The following LAMC3 variants were observed in gnomAD, a reference collection of about 807,000 sequenced individuals.
LAMC3 encodes laminin subunit gamma-3.
A neutral mutation model predicts 173.8 loss-of-function variants in LAMC3; 128 were observed. The observed-to-expected ratio is 0.74, with a 90% CI of 0.64 to 0.85. The LOEUF is 0.85. Ranked by LOEUF, LAMC3 falls within the 40% of genes least tolerant of loss-of-function variation. LAMC3 has a pLI of 0.00. For missense variants in LAMC3, 2,022 were observed against 2,156.0 expected (o/e 0.94, Z 1.23); for synonymous variants, 897 against 909.1 (o/e 0.99, Z 0.24).
At chr9:131,027,737 C>T (rs1369506137) in intron 2 of LAMC3, among the ~76,000 whole-genome samples, 4 of 152,218 alleles carry the variant, frequency 2.6e-5, no homozygotes, top group South Asian at 2.1e-4. Flanking sequence ...GTGACCAGTG[C>T]GGTGCTTGGC....
chr9:131,055,133 C>T (rs1028077883), intron 11 of LAMC3, among the ~76,000 whole-genome samples: 3 of 152,056 alleles, frequency 2.0e-5, no homozygotes, highest in Non-Finnish European at 4.4e-5. Context: ...GTATAAGTGT[C>T]GCTTTAGGAC....
At chr9:131,086,389 GGTT>G (rs796454944) in intron 25 of LAMC3, among the ~76,000 whole-genome samples, 1 of 49,668 alleles carries the variant, frequency 2.0e-5, no homozygotes, top group Non-Finnish European at 3.8e-5. Flanking sequence ...AAGGGTTTTT[GGTT>G]TTGTTTTTTT....
chr9:131,082,455 C>G (rs1476941955), intron 24 of LAMC3, among the ~76,000 whole-genome samples: 3 of 152,192 alleles, frequency 2.0e-5, no homozygotes, highest in Non-Finnish European at 4.4e-5. Context: ...TCAACCAGGT[C>G]AAGTCCACTC....
At chr9:131,037,625 T>TA (rs35393335) in intron 4 of LAMC3, among the ~76,000 whole-genome samples, 3,398 of 152,218 alleles carry the variant, frequency 0.022, 43 homozygotes, top group Non-Finnish European at 0.038. Context: ...CCTCAGCCAC[T>TA]AGAGTAGCTG....
intron 11 of LAMC3, among the ~76,000 whole-genome samples, chr9:131,053,789 C>T (rs531146556): frequency 1.5e-5 from 2 of 132,422 alleles, no homozygotes; most frequent in South Asian, 2.6e-4. Flanking sequence ...GCCAAGATTG[C>T]GCCACTGCAC....
In LAMC3 at chr9:131,038,918, G is replaced by T; in HGVS notation, c.1031G>T (p.Arg344Leu). Residue 344 changes from arginine (R) to leucine (L), a missense_variant, in exon 5 of 28, where the codon CGC becomes CTC. Coordinates refer to ENST00000361069, the MANE Select transcript of LAMC3 (RefSeq NM_006059.4). ...EECTFDRELFRSTGHGGRCHH... is the reference protein window; with the variant it reads ...EECTFDRELFLSTGHGGRCHH... ...TGCACGTTTGATCGGGAGCTCTTCC[G>T]CAGCACAGGCCACGGCGGGCGCTGT... is the stretch of plus-strand genomic sequence containing the variant. 1.2e-6 allele frequency: 2 copies of T among 1,613,276 alleles called. No individual in the cohort carries two copies. Among genetic ancestry groups the T allele is most frequent in the South Asian group, 1.1e-5 (1 of 91,066 alleles).
Position 131,009,310 on chromosome 9 carries a change from G to A in LAMC3, c.96G>A (p.Pro32=), listed in dbSNP as rs1332142957. ...CGTGCTATGACGGCGCAGGGCGCCC[G>A]CAGCGCTGCCTGCCGGTGTTCGAGA... ...MGACYDGAGR[P]QRCLPVFENA... The change falls in exon 1 of 28, where the codon CCG becomes CCA. Residue 32 remains proline, a synonymous_variant. Coordinates refer to ENST00000361069, the MANE Select transcript of LAMC3 (RefSeq NM_006059.4). This position sits in a 1 kb window ranked among gnomAD's most constrained non-coding sequence, Gnocchi z 4.3. 6 of 1,453,272 alleles carry A rather than the reference G, an allele frequency of 4.1e-6. No individual in the cohort carries two copies. The highest frequency in any genetic ancestry group is 2.7e-5 in the South Asian group (2 of 74,460). 90.0% of individuals were successfully genotyped at this position (1,453,272 alleles called of 1,614,324 possible).
At chr9:131,036,442 G>A in intron 4 of LAMC3, 110 bp downstream of exon 4, 1 of 1,171,316 alleles carries the variant, frequency 8.5e-7, no homozygotes, top group Non-Finnish European at 1.2e-6. Flanking sequence ...TACGCCCCGG[G>A]GGCAGCTCGG....
chr9:131,039,661 G>A (rs780122212), intron 6 of LAMC3, among the ~76,000 whole-genome samples: 4 of 151,962 alleles, frequency 2.6e-5, no homozygotes, highest in Non-Finnish European at 5.9e-5. Context: ...CTGCATGGGG[G>A]TTTGACTGTG....
At position 131,065,758 on chromosome 9, in the gene LAMC3, T is replaced by C. The variant is rs533017658; in HGVS notation, c.2348-1202T>C. Among the ~76,000 whole-genome samples the C allele has an allele frequency of 3.4e-3, 520 of 151,764 alleles. 3 individuals are homozygous for C. Among genetic ancestry groups the C allele is most frequent in the Non-Finnish European group, 6.4e-3 (433 of 67,902 alleles). On this transcript the variant is annotated intron_variant, in intron 13 of 27. Transcript: ENST00000361069. ...TGATCACGGGTGATGATGAGGATAA[T>C]GGTCAAGAAGGTGATGTTGATGAAG... is the stretch of plus-strand genomic sequence containing the variant.
rs1564359968 is a variant in LAMC3 at position 131,009,578 on chromosome 9, C to CTCCG, written c.365_368dup (p.Leu124ProfsTer7). On this transcript the variant is annotated frameshift_variant, in exon 1 of 28. Transcript: ENST00000361069. LOFTEE classifies it high-confidence loss of function. The surrounding 1 kb of genome is among the most constrained non-coding windows in gnomAD (Gnocchi z 4.3). ...GTACCCCACCTCGGTCAACATCACC[C>CTCCG]TCCGCCTAGGTAAGCGCGGGCTGGG... 1.3e-6 allele frequency: 2 copies of CTCCG among 1,572,746 alleles called. No homozygotes were observed. The highest frequency in any genetic ancestry group is 2.7e-5 in the African/African-American group (2 of 73,952).
chr9:131,056,031 C>CA (rs200017097), intron 11 of LAMC3, among the ~76,000 whole-genome samples: 2,252 of 69,980 alleles, frequency 0.032, 29 homozygotes, highest in Non-Finnish European at 0.048. Flanking sequence ...CGTTTTTCTA[C>CA]AAAAAATTTA....
intron 11 of LAMC3, among the ~76,000 whole-genome samples, chr9:131,055,249 C>T (rs1834377832): frequency 1.3e-5 from 2 of 152,076 alleles, no homozygotes; most frequent in South Asian, 4.1e-4. Flanking sequence ...GGAGTGTCGG[C>T]CGCCTCCAGT....
chr9:131,014,227 C>G (rs1053040243), intron 1 of LAMC3, among the ~76,000 whole-genome samples: 3 of 152,270 alleles, frequency 2.0e-5, no homozygotes, highest in Admixed American at 2.0e-4. Flanking sequence ...CACTGCCCTT[C>G]AGCAAGGCCT....
At chr9:131,025,597 C>T (rs1287099911) in intron 1 of LAMC3, among the ~76,000 whole-genome samples, 8 of 151,970 alleles carry the variant, frequency 5.3e-5, no homozygotes, top group Admixed American at 4.6e-4. Flanking sequence ...GTGGAGGCCC[C>T]GGGAGAGGGG....
chr9:131,087,694 G>C (rs753580583), intron 26 of LAMC3, 24 bp from the exon 27 acceptor site: 2 of 1,613,784 alleles, frequency 1.2e-6, no homozygotes, highest in Non-Finnish European at 8.5e-7. Flanking sequence ...CATTCAAGCT[G>C]TTTCTTCCTC....
intron 13 of LAMC3, among the ~76,000 whole-genome samples, chr9:131,061,495 A>G (rs1829823371): frequency 3.9e-5 from 6 of 152,176 alleles, no homozygotes; most frequent in Admixed American, 3.9e-4. Context: ...GGCCCCTTAG[A>G]GCCTGGGTTA....
intron 2 of LAMC3, 113 bp from the exon 3 acceptor site, chr9:131,031,932 T>C: frequency 6.3e-7 from 1 of 1,590,086 alleles, no homozygotes; most frequent in Non-Finnish European, 8.6e-7. Context: ...CTCGGCCTGT[T>C]CCTGTGTCCC....
chr9:131,016,711 G>A (rs903186021), intron 1 of LAMC3, among the ~76,000 whole-genome samples: 2 of 152,190 alleles, frequency 1.3e-5, no homozygotes, highest in African/African-American at 4.8e-5. Flanking sequence ...AAGTCAAAAT[G>A]TTGAATGAAG....
Sources: allele counts gnomAD v4.1 joint callset (sites outside exome capture counted in the v4.1 genomes callset), GRCh38; gene constraint gnomAD v4.1.1; non-coding constraint Gnocchi (gnomAD v3.1); transcripts MANE v1.5; gene names NCBI Gene and HGNC (gene_info 2026-07-23, HGNC 2026-07-21).